Variants in ITPR2 observed in about 807,000 individuals in gnomAD.
ITPR2 encodes inositol 1,4,5-trisphosphate receptor type 2, also known as inositol 1,4,5-trisphosphate-gated calcium channel ITPR2.
ITPR2 carries 207 observed loss-of-function variants against 317.1 expected under a neutral mutation model. The ratio of observed to expected loss-of-function variants is 0.65; its 90% confidence interval spans 0.58 to 0.73. ITPR2 has a LOEUF of 0.73. ITPR2 is among the 30% of genes least tolerant of loss of function. The probability of loss-of-function intolerance (pLI) is 0.00; values close to 1 mark genes in which losing one functional copy is unlikely to be tolerated. For missense variants in ITPR2, 2,613 were observed against 3,284.0 expected, an observed-to-expected ratio of 0.80 and a Z score of 4.99; for synonymous variants, 1,156 against 1,149.1, an observed-to-expected ratio of 1.01 and a Z score of -0.12.
rs139169504 is a variant in ITPR2, at chr12:26,459,930, A to G, written c.6342+15366T>C. The stretch of plus-strand genomic sequence containing the variant: ...CTAGAACTAAGCTGCTCCTCTTTCC[A>G]TTTCACCACAAGCCTCCTCTATCTC... On this transcript the variant is annotated intron_variant, in intron 45 of 56. Coordinates refer to ENST00000381340, the MANE Select transcript of ITPR2 (RefSeq NM_002223.4). Among the ~76,000 whole-genome samples, 76 of 152,200 alleles carry G rather than the reference A, an allele frequency of 5.0e-4. 2 individuals carry two copies. The highest frequency in any genetic ancestry group is 1.7e-3 in the African/African-American group (71 of 41,542).
At chr12:26,366,424 C>T (rs938335572) in intron 55 of ITPR2, among the ~76,000 whole-genome samples, 3 of 152,154 alleles carry the variant, frequency 2.0e-5, no homozygotes, top group Non-Finnish European at 4.4e-5. Flanking sequence ...TTTTCAGGGA[C>T]GTCTTTACCA....
chr12:26,479,817 T>C (rs769110977), intron 43 of ITPR2, among the ~76,000 whole-genome samples: 8 of 152,178 alleles, frequency 5.3e-5, no homozygotes, highest in Non-Finnish European at 1.0e-4. Context: ...CATGCACCTG[T>C]AATCCCAGCT....
intron 30 of ITPR2, 47 bp from the exon 31 acceptor site, chr12:26,597,181 C>G: frequency 6.2e-7 from 1 of 1,603,858 alleles, no homozygotes. Context: ...AACATTCATC[C>G]TTGCAGTTAT....
intron 45 of ITPR2, among the ~76,000 whole-genome samples, chr12:26,468,394 A>C (rs1942220436): frequency 6.6e-6 from 1 of 152,180 alleles, no homozygotes; most frequent in African/African-American, 2.4e-5. Flanking sequence ...CAGTTGAATA[A>C]GATTATGGAC....
intron 37 of ITPR2, among the ~76,000 whole-genome samples, chr12:26,529,363 T>G (rs564737364): frequency 6.6e-6 from 1 of 152,218 alleles, no homozygotes; most frequent in African/African-American, 2.4e-5. Context: ...ACTGGCTTCC[T>G]TGATGGTTCT....
chr12:26,715,944 G>T, intron 6 of ITPR2, 109 bp from the exon 7 acceptor site: 1 of 835,292 alleles, frequency 1.2e-6, no homozygotes, highest in Admixed American at 2.1e-5. Flanking sequence ...GGATAATGAA[G>T]TATATAGCTC....
chr12:26,487,190 T>A lies in ITPR2; in HGVS notation c.5432A>T (p.Tyr1811Phe), dbSNP rs375572383. Residue 1811 changes from tyrosine (Y) to phenylalanine (F), a missense_variant, in exon 40 of 57, where the codon TAT becomes TTT. By Grantham distance (22) the Tyr-to-Phe change is conservative. This residue lies in a region of ITPR2 where 926 missense variants were observed against 1,072.8 expected (regional missense o/e 0.86). Transcript: ENST00000381340. ...TTTCTGAGCAGCCTTCATTCGATCA[T>A]AGAGAACTTTAAAGAATTTTTCTGA... ...KKSEKFFKVL[Y>F]DRMKAAQKEI... The A allele has an allele frequency of 6.2e-7, 1 of 1,612,096 alleles. No homozygotes were observed. The highest frequency in any genetic ancestry group is 1.3e-5 in the African/African-American group (1 of 74,744).
chr12:26,616,231 G>T (rs1028443646), intron 26 of ITPR2, among the ~76,000 whole-genome samples: 2 of 151,878 alleles, frequency 1.3e-5, no homozygotes, highest in African/African-American at 2.4e-5. Context: ...TCCGCCTCCC[G>T]GGTTCACGCC....
chr12:26,659,951 T>C (rs896259115), intron 15 of ITPR2, among the ~76,000 whole-genome samples: 1 of 152,256 alleles, frequency 6.6e-6, no homozygotes, highest in Middle Eastern at 3.2e-3. Context: ...AACAGGGCAA[T>C]GTGATTAATC....
At chr12:26,720,437 G>A (rs1296037612) in intron 5 of ITPR2, among the ~76,000 whole-genome samples, 13 of 152,102 alleles carry the variant, frequency 8.5e-5, no homozygotes, top group African/African-American at 3.1e-4. Context: ...TGAAGTGACC[G>A]TATTTCCAAT....
intron 45 of ITPR2, among the ~76,000 whole-genome samples, chr12:26,464,762 T>C (rs1342432462): frequency 2.6e-5 from 4 of 152,188 alleles, no homozygotes; most frequent in Non-Finnish European, 4.4e-5. Context: ...TTTGGTGATA[T>C]ATGTTCTATG....
chr12:26,577,572 T>C (rs1591921383), intron 34 of ITPR2, among the ~76,000 whole-genome samples: 1 of 152,346 alleles, frequency 6.6e-6, no homozygotes, highest in South Asian at 2.1e-4. Flanking sequence ...TTTTGTGGTA[T>C]ACAGAAAGTC....
At chr12:26,561,450 G>A (rs1158220998) in intron 35 of ITPR2, among the ~76,000 whole-genome samples, 1 of 152,102 alleles carries the variant, frequency 6.6e-6, no homozygotes, top group Admixed American at 6.5e-5. Context: ...AACATAAGTT[G>A]AAGCAAGATT....
chr12:26,699,856 AAAG>A (rs1347754637), intron 9 of ITPR2, among the ~76,000 whole-genome samples: 6 of 152,198 alleles, frequency 3.9e-5, no homozygotes, highest in African/African-American at 1.4e-4. Flanking sequence ...ATTATTTTTT[AAAG>A]AAGGAGGAAA....
chr12:26,733,081 C>T (rs889820171), intron 2 of ITPR2, among the ~76,000 whole-genome samples: 3 of 150,750 alleles, frequency 2.0e-5, no homozygotes, highest in African/African-American at 7.3e-5. Context: ...CCTGTAATCC[C>T]AGCACTTTGG....
At chr12:26,806,771 C>T (rs904512700) in intron 1 of ITPR2, among the ~76,000 whole-genome samples, 20 of 152,162 alleles carry the variant, frequency 1.3e-4, no homozygotes, top group African/African-American at 4.8e-4. Context: ...AGCACGTTTG[C>T]TCAAGCAATC....
At chr12:26,516,155 A>C (rs558383477) in intron 37 of ITPR2, among the ~76,000 whole-genome samples, 64 of 114,140 alleles carry the variant, frequency 5.6e-4, no homozygotes, top group African/African-American at 1.9e-3. Context: ...GACGAAGAAA[A>C]GAGAAGGGGA....
rs117274564 is a variant in ITPR2 at position 26,689,635 on chromosome 12, A to G, written c.997-3003T>C. On this transcript the variant is annotated intron_variant, in intron 10 of 56. Coordinates refer to ENST00000381340, the MANE Select transcript of ITPR2 (RefSeq NM_002223.4). The stretch of plus-strand genomic sequence containing the variant: ...TTTTCCCTGAAGGCTCTGAAATCTG[A>G]TGGTGACACTAAAGCCACACTGCTG... 1.1e-3 allele frequency among the ~76,000 whole-genome samples: 174 copies of G among 152,266 alleles called. 2 individuals are homozygous for G. The East Asian group carries it at 0.03, about 26-fold the overall frequency.
At chr12:26,618,115 A>G (rs1946411506) in intron 26 of ITPR2, among the ~76,000 whole-genome samples, 1 of 152,220 alleles carries the variant, frequency 6.6e-6, no homozygotes, top group Non-Finnish European at 1.5e-5. Flanking sequence ...GGGTATCTAT[A>G]AAAGAATGTA....
Sources: gnomAD v4.1 joint callset for allele counts (sites outside exome capture counted in the v4.1 genomes callset) on GRCh38, gnomAD v4.1.1 for gene constraint, gnomAD v4.1.1 regional missense constraint, MANE v1.5 for transcripts, NCBI Gene and HGNC (gene_info 2026-07-23, HGNC 2026-07-21) for gene names.